ADAM19: variants seen among roughly 807,000 people sequenced by gnomAD.
The protein encoded by ADAM19 is ADAM metallopeptidase domain 19.
A neutral mutation model predicts 114.7 loss-of-function variants in ADAM19; 65 were observed. The observed-to-expected ratio is 0.57, with a 90% confidence interval of 0.46 to 0.70. ADAM19 has a LOEUF of 0.70. Among genes scored for constraint, ADAM19 ranks in the 30% least tolerant of loss-of-function variants. The pLI, the probability that ADAM19 is intolerant of heterozygous loss-of-function variation, is 0.00. For synonymous variants in ADAM19, 466 were observed against 460.5 expected, an observed-to-expected ratio of 1.01 and a Z score of -0.15; for missense variants, 1,063 against 1,204.7, an observed-to-expected ratio of 0.88 and a Z score of 1.74.
chr5:157,548,809 A>T (rs1757114045), intron 3 of ADAM19, among the ~76,000 whole-genome samples: 1 of 152,168 alleles, frequency 6.6e-6, no homozygotes, highest in Non-Finnish European at 1.5e-5. Flanking sequence ...TTGCCCAACC[A>T]CAAAGGGTAA....
rs182700726 is a variant in ADAM19 at position 157,559,813 on chromosome 5, G to A, written c.251+4560C>T. ...TCTGTTGCCTGAACCTGCGGGTTCT[G>A]ACCTAGAAGTTCGTCCCCAACTTCA... is the stretch of plus-strand genomic sequence containing the variant. On this transcript the variant is annotated intron_variant, in intron 3 of 22. Transcript: ENST00000257527. 1.2e-3 allele frequency among the ~76,000 whole-genome samples: 184 copies of A among 152,234 alleles called. 3 individuals carry two copies. Among genetic ancestry groups the A allele is most frequent in the African/African-American group, 4.1e-3 (171 of 41,518 alleles).
intron 21 of ADAM19, among the ~76,000 whole-genome samples, chr5:157,487,540 CAGGAA>C (rs1157869096): frequency 3.3e-5 from 5 of 152,230 alleles, no homozygotes; most frequent in Non-Finnish European, 7.3e-5. Context: ...GGCCGCCACC[CAGGAA>C]ACACCTGTGT....
At chr5:157,543,067 T>C (rs1756960702) in intron 3 of ADAM19, among the ~76,000 whole-genome samples, 1 of 152,156 alleles carries the variant, frequency 6.6e-6, no homozygotes, top group Admixed American at 6.5e-5. Context: ...CCTAGGATAT[T>C]AACTAGTTTT....
chr5:157,563,006 T>C (rs1368815726), intron 3 of ADAM19, among the ~76,000 whole-genome samples: 1 of 151,732 alleles, frequency 6.6e-6, no homozygotes, highest in African/African-American at 2.4e-5. Flanking sequence ...CTAGAGTTAA[T>C]GGGAACAAAG....
At chr5:157,514,293 G>A (rs1171866544) in intron 7 of ADAM19, among the ~76,000 whole-genome samples, 2 of 150,734 alleles carry the variant, frequency 1.3e-5, no homozygotes, top group East Asian at 3.9e-4. Flanking sequence ...AGAATGAGAA[G>A]AATTATGAGA....
At chr5:157,556,858 A>T (rs1008160226) in intron 3 of ADAM19, among the ~76,000 whole-genome samples, 3 of 152,206 alleles carry the variant, frequency 2.0e-5, no homozygotes, top group Non-Finnish European at 4.4e-5. Flanking sequence ...ATCCATTCTC[A>T]GCAAATGCTC....
chr5:157,505,782 C>T lies in ADAM19; in HGVS notation c.1017G>A (p.Val339=), dbSNP rs749045679. 1.2e-6 allele frequency: 2 copies of T among 1,614,040 alleles called. No homozygotes were observed. The highest frequency in any genetic ancestry group is 1.7e-6 in the Non-Finnish European group (2 of 1,179,954). Reference sequence around the variant, plus strand: ...CCATCTCGTGGGCCATGGTGGCAGCCACGCCAATGGCATTCTCGGAGTGGT... The same window carrying T: ...CCATCTCGTGGGCCATGGTGGCAGCTACGCCAATGGCATTCTCGGAGTGGT... ...NMDHSENAIG[V]AATMAHEMGH... is the part of the protein sequence containing the mutation. The change falls in exon 11 of 23, where the codon GTG becomes GTA. Residue 339 remains valine (V), a synonymous_variant. Transcript: ENST00000257527.
At chr5:157,529,524 G>A (rs1472291213) in intron 5 of ADAM19, among the ~76,000 whole-genome samples, 2 of 152,140 alleles carry the variant, frequency 1.3e-5, no homozygotes, top group Non-Finnish European at 2.9e-5. Flanking sequence ...TCACTTGGGA[G>A]TCTTGGTAAA....
intron 7 of ADAM19, among the ~76,000 whole-genome samples, chr5:157,515,669 A>G (rs1477376444): frequency 6.6e-6 from 1 of 152,198 alleles, no homozygotes; most frequent in African/African-American, 2.4e-5. Context: ...TGATGTAAAG[A>G]AAGGACTGTC....
intron 4 of ADAM19, among the ~76,000 whole-genome samples, chr5:157,536,323 A>T (rs747108797): frequency 1.3e-5 from 2 of 151,602 alleles, no homozygotes; most frequent in Non-Finnish European, 2.9e-5. Flanking sequence ...GTGAAACCCC[A>T]TCTCTACTAA....
intron 5 of ADAM19, among the ~76,000 whole-genome samples, chr5:157,525,490 C>A (rs894124226): frequency 2.0e-5 from 3 of 152,156 alleles, no homozygotes; most frequent in Non-Finnish European, 4.4e-5. Context: ...GCTCACCTAG[C>A]CAGTTAATGT....
chr5:157,552,974 A>G (rs989637007), intron 3 of ADAM19, among the ~76,000 whole-genome samples: 1 of 152,200 alleles, frequency 6.6e-6, no homozygotes, highest in Non-Finnish European at 1.5e-5. Context: ...ACTTATTTGT[A>G]GGATCTAAAA....
intron 15 of ADAM19, among the ~76,000 whole-genome samples, chr5:157,493,692 G>A (rs1222636260): frequency 6.6e-6 from 1 of 152,146 alleles, no homozygotes; most frequent in African/African-American, 2.4e-5. Flanking sequence ...CCTCATAGGA[G>A]TCTAATTTTC....
Position 157,480,555 on chromosome 5 carries a change from C to A in ADAM19, c.*394G>T. On this transcript the variant is annotated 3_prime_UTR_variant, in exon 23 of 23. Coordinates refer to ENST00000257527, the MANE Select transcript of ADAM19 (RefSeq NM_033274.5). ...GCAGAAGCAATGGGAAGCTCTCTTG[C>A]GTGCCCTGCACCCCAGGAGTGAATG... The A allele has an allele frequency of 2.9e-6, 3 of 1,035,182 alleles. No individual in the cohort carries two copies. The highest frequency in any genetic ancestry group is 3.7e-5 in the South Asian group (1 of 27,162). 64.1% of individuals were successfully genotyped at this position (1,035,182 alleles called of 1,614,324 possible).
intron 13 of ADAM19, 121 bp from the exon 14 acceptor site, chr5:157,497,210 C>T: frequency 1.1e-6 from 1 of 894,112 alleles, no homozygotes; most frequent in African/African-American, 1.8e-5. Context: ...GATTTCACAG[C>T]ACTTTTTACA....
rs190134543 is a variant in ADAM19, at chr5:157,494,667, G to T, written c.1703+20C>A. ...TGCTTGTTCATCCTCATTTCATGAG[G>T]CCTGCCCTTTGGTCATCACCTCATG... On this transcript the variant is annotated intron_variant, in intron 15 of 22. Coordinates refer to ENST00000257527, the MANE Select transcript of ADAM19 (RefSeq NM_033274.5). 3.1e-5 allele frequency: 49 copies of T among 1,602,748 alleles called. No individual in the cohort carries two copies. In the African/African-American group the frequency reaches 5.7e-4, roughly 19 times the overall value.
chr5:157,492,994 T>A lies in ADAM19; in HGVS notation c.1887A>T (p.Gly629=). ...TCACATGGTTGTAGCCACACTTGGTTCCAGTCATCACCAGCCCTGGGTCCA... is the reference window on the plus strand; with the variant it reads ...TCACATGGTTGTAGCCACACTTGGTACCAGTCATCACCAGCCCTGGGTCCA... ...DMLDPGLVMT[G]TKCGYNHICF... Residue 629 remains glycine, a synonymous_variant, in exon 16 of 23, where the codon GGA becomes GGT. Transcript: ENST00000257527. 6.2e-7 allele frequency: 1 copy of A among 1,614,220 alleles called. No individual in the cohort carries two copies. The highest frequency in any genetic ancestry group is 8.5e-7 in the Non-Finnish European group (1 of 1,180,046).
intron 8 of ADAM19, among the ~76,000 whole-genome samples, chr5:157,512,341 C>A (rs1388792125): frequency 6.6e-6 from 1 of 152,172 alleles, no homozygotes; most frequent in East Asian, 1.9e-4. Context: ...TTTAAGTGAT[C>A]TCCTATATTC....
intron 21 of ADAM19, among the ~76,000 whole-genome samples, chr5:157,484,315 G>A (rs1329363045): frequency 2.6e-5 from 4 of 152,136 alleles, no homozygotes; most frequent in Non-Finnish European, 4.4e-5. Flanking sequence ...GCAGTGTGGG[G>A]TCCGTATCTG....
Sources: allele counts gnomAD v4.1 joint callset (sites outside exome capture counted in the v4.1 genomes callset), GRCh38; gene constraint gnomAD v4.1.1; transcripts MANE v1.5; gene names NCBI Gene and HGNC (gene_info 2026-07-23, HGNC 2026-07-21).